ITPR1: variants seen among roughly 807,000 people sequenced by gnomAD.
ITPR1 encodes the protein inositol 1,4,5-trisphosphate receptor type 1, also known as inositol 1,4,5-trisphosphate-gated calcium channel ITPR1.
A neutral mutation model predicts 318.4 loss-of-function variants in ITPR1; 96 were observed. The observed-to-expected ratio is 0.30, with a 90% CI of 0.26 to 0.36. The LOEUF (loss-of-function observed/expected upper bound fraction) is 0.36. Ranked by LOEUF, ITPR1 falls within the 10% of genes least tolerant of loss-of-function variation. The pLI is 1.00. For missense variants in ITPR1, 2,440 were observed against 3,460.2 expected (o/e 0.71, Z 7.40); for synonymous variants, 1,312 against 1,289.9 (o/e 1.02, Z -0.37).
At chr3:4,791,032 G>A (rs2047521460) in intron 52 of ITPR1, among the ~76,000 whole-genome samples, 1 of 152,176 alleles carries the variant, frequency 6.6e-6, no homozygotes, top group African/African-American at 2.4e-5. Flanking sequence ...TCTTGCATGA[G>A]GTTTTCCCAT....
intron 44 of ITPR1, among the ~76,000 whole-genome samples, chr3:4,748,614 GA>G (rs1193010742): frequency 6.6e-6 from 1 of 152,164 alleles, no homozygotes; most frequent in East Asian, 1.9e-4. Flanking sequence ...GGGTAAGAGT[GA>G]AGGCTGGGAT....
intron 4 of ITPR1, among the ~76,000 whole-genome samples, chr3:4,611,957 C>T (rs926237278): frequency 2.6e-5 from 4 of 151,816 alleles, no homozygotes; most frequent in African/African-American, 9.7e-5. Flanking sequence ...TCCACAGATT[C>T]AACCAACCTC....
chr3:4,578,901 G>C (rs898341356), intron 4 of ITPR1, among the ~76,000 whole-genome samples: 2 of 152,214 alleles, frequency 1.3e-5, no homozygotes, highest in Non-Finnish European at 2.9e-5. Flanking sequence ...GTCATTGAGA[G>C]AGGGGGCCCC....
At chr3:4,845,874 TTTA>T (rs2051734720) in intron 61 of ITPR1, among the ~76,000 whole-genome samples, 1 of 152,324 alleles carries the variant, frequency 6.6e-6, no homozygotes, top group East Asian at 1.9e-4. Context: ...ATCCTGTGCT[TTTA>T]TTGTTTTTTG....
intron 34 of ITPR1, 33 bp from the exon 35 acceptor site, chr3:4,699,780 G>C (rs755331040): frequency 1.2e-6 from 2 of 1,608,974 alleles, no homozygotes; most frequent in Non-Finnish European, 1.7e-6. Flanking sequence ...GTAGGTTTTG[G>C]TGTAATGCTT....
intron 21 of ITPR1, 80 bp from the exon 22 acceptor site, chr3:4,674,122 T>A: frequency 8.3e-7 from 1 of 1,207,654 alleles, no homozygotes; most frequent in Non-Finnish European, 1.2e-6. Flanking sequence ...GGATGTTGAC[T>A]TTTGAAGCTG....
intron 26 of ITPR1, 39 bp from the exon 27 acceptor site, chr3:4,683,347 G>C: frequency 6.2e-7 from 1 of 1,612,230 alleles, no homozygotes; most frequent in Non-Finnish European, 8.5e-7. Flanking sequence ...GGAGGCATTT[G>C]TCATTCATTT....
chr3:4,747,318 C>T lies in ITPR1; in HGVS notation c.5544+11964C>T, dbSNP rs549097229. Among the ~76,000 whole-genome samples, 7 of 152,212 alleles carry T rather than the reference C, an allele frequency of 4.6e-5. No individual in the cohort carries two copies. In the South Asian group the frequency reaches 8.3e-4, roughly 18 times the overall value. ...TCTGCTAATGAGGAAATAGAGGATCCGAGAGGTCAGGTTATATGCTCAGAG... is the reference window on the plus strand; with the variant it reads ...TCTGCTAATGAGGAAATAGAGGATCTGAGAGGTCAGGTTATATGCTCAGAG... On this transcript the variant is annotated intron_variant, in intron 44 of 61. Transcript: ENST00000649015.
intron 4 of ITPR1, among the ~76,000 whole-genome samples, chr3:4,592,260 G>C (rs1429021993): frequency 2.0e-5 from 3 of 152,158 alleles, no homozygotes; most frequent in Non-Finnish European, 4.4e-5. Flanking sequence ...CAAACTGACT[G>C]TCTTGTTTTA....
chr3:4,520,734 G>A (rs372267142), intron 3 of ITPR1, among the ~76,000 whole-genome samples: 5 of 152,094 alleles, frequency 3.3e-5, no homozygotes, highest in Admixed American at 6.5e-5. Flanking sequence ...GCTGTGTCTC[G>A]CGACTTCAGC....
intron 49 of ITPR1, among the ~76,000 whole-genome samples, chr3:4,781,302 A>G (rs1366482192): frequency 6.6e-6 from 1 of 152,202 alleles, no homozygotes; most frequent in Non-Finnish European, 1.5e-5. Flanking sequence ...AGAAGATTAT[A>G]ATTTTTAGTA....
chr3:4,658,138 G>T lies in ITPR1; in HGVS notation c.1011G>T (p.Gln337His), dbSNP rs767108385. ...TACCTCCTCAGGTGGACCCTGATCA[G>T]GACGCCTCTCGAAGTAGGTTGCGGA... ...LEFQPSVDPDQDASRSRLRNA... is the reference protein window; with the variant it reads ...LEFQPSVDPDHDASRSRLRNA... Residue 337 changes from glutamine to histidine, a missense_variant, in exon 13 of 62, where the codon CAG becomes CAT. By Grantham distance (24) the Gln-to-His change is conservative. Coordinates refer to ENST00000649015, the MANE Select transcript of ITPR1 (RefSeq NM_001378452.1). 6.2e-7 allele frequency: 1 copy of T among 1,612,746 alleles called. No individual in the cohort carries two copies. Among genetic ancestry groups the T allele is most frequent in the Admixed American group, 1.7e-5 (1 of 59,970 alleles).
At chr3:4,691,600 G>A (rs999250739) in intron 32 of ITPR1, among the ~76,000 whole-genome samples, 3 of 152,198 alleles carry the variant, frequency 2.0e-5, no homozygotes, top group Non-Finnish European at 4.4e-5. Context: ...GACAGAAAGA[G>A]GAATAAGGAA....
intron 4 of ITPR1, among the ~76,000 whole-genome samples, chr3:4,607,696 A>G (rs576739890): frequency 2.0e-5 from 3 of 152,164 alleles, no homozygotes; most frequent in African/African-American, 7.2e-5. Flanking sequence ...GGGTGCAGTC[A>G]TACGGGTGTG....
intron 44 of ITPR1, among the ~76,000 whole-genome samples, chr3:4,743,207 T>C (rs1281622184): frequency 1.3e-5 from 2 of 152,264 alleles, no homozygotes; most frequent in Non-Finnish European, 2.9e-5. Flanking sequence ...TTATCTGCCT[T>C]TGACCTGAAC....
At position 4,741,550 on chromosome 3, in the gene ITPR1, T is replaced by C. The variant is rs865923496; in HGVS notation, c.5544+6196T>C. On this transcript the variant is annotated intron_variant, in intron 44 of 61. Transcript: ENST00000649015. ...GAGGCCTTTCCTACACCACACTCTT[T>C]TTTTTTTTTTGAGGTTGGCTTAAGA... Among the ~76,000 whole-genome samples the C allele has an allele frequency of 4.6e-3, 678 of 148,506 alleles. 7 individuals carry two copies. The highest frequency in any genetic ancestry group is 0.016 in the African/African-American group (650 of 40,912).
chr3:4,787,859 TG>T (rs1312891703), intron 51 of ITPR1, 87 bp from the exon 52 acceptor site: 1 of 880,042 alleles, frequency 1.1e-6, no homozygotes, highest in African/African-American at 1.8e-5. Context: ...TACTCAATCT[TG>T]ACCACCGAGT....
intron 51 of ITPR1, among the ~76,000 whole-genome samples, chr3:4,787,653 G>A (rs2047289545): frequency 6.6e-6 from 1 of 151,884 alleles, no homozygotes; most frequent in African/African-American, 2.4e-5. Flanking sequence ...AGCCAAGATC[G>A]CACCACTGCA....
intron 4 of ITPR1, among the ~76,000 whole-genome samples, chr3:4,615,385 T>C (rs1171854890): frequency 1.3e-5 from 2 of 150,704 alleles, no homozygotes; most frequent in Admixed American, 6.6e-5. Context: ...TTTTTTTTTT[T>C]TTTTTTTTGA....
Sources: gnomAD v4.1 joint callset for allele counts (sites outside exome capture counted in the v4.1 genomes callset) on GRCh38, gnomAD v4.1.1 for gene constraint, MANE v1.5 for transcripts, NCBI Gene and HGNC (gene_info 2026-07-23, HGNC 2026-07-21) for gene names.